The following SYT10 variants were observed in gnomAD, a reference collection of about 807,000 sequenced individuals.
SYT10 encodes the protein synaptotagmin 10, also known as synaptotagmin-10.
In SYT10, 31 loss-of-function variants were observed where a neutral mutation model predicts 51.1. The observed-to-expected ratio is 0.61, with a 90% CI of 0.46 to 0.82. SYT10 has a LOEUF of 0.82. Among genes scored for constraint, SYT10 ranks in the 40% least tolerant of loss-of-function variants. The probability of loss-of-function intolerance (pLI) is 0.00; values close to 1 mark genes in which losing one functional copy is unlikely to be tolerated. For missense variants in SYT10, 603 were observed against 634.0 expected (o/e 0.95, Z 0.53); for synonymous variants, 233 against 225.9 (o/e 1.03, Z -0.28).
chr12:33,394,306 A>G (rs2892700), intron 3 of SYT10, among the ~76,000 whole-genome samples: 71,850 of 152,134 alleles, frequency 0.47, 18,173 homozygotes, highest in East Asian at 0.89. Context: ...TGCAATATGT[A>G]TCATGGCATA....
intron 3 of SYT10, among the ~76,000 whole-genome samples, chr12:33,396,239 G>A (rs1285949555): frequency 6.6e-6 from 1 of 152,094 alleles, no homozygotes; most frequent in Non-Finnish European, 1.5e-5. Flanking sequence ...TTAAGATATT[G>A]ATTTTATTTA....
At chr12:33,431,203 C>A (rs1866594106) in intron 1 of SYT10, among the ~76,000 whole-genome samples, 1 of 152,154 alleles carries the variant, frequency 6.6e-6, no homozygotes, top group Non-Finnish European at 1.5e-5. Context: ...TTTAAAAGTA[C>A]AAATTTGAAG....
chr12:33,405,424 T>A (rs1162740090), intron 3 of SYT10: 1 of 152,108 alleles, frequency 6.6e-6, no homozygotes, highest in Non-Finnish European at 1.5e-5. Context: ...AATTCCTTCT[T>A]TGTTCCTTAA....
At chr12:33,437,693 C>A (rs1371252978) in intron 1 of SYT10, among the ~76,000 whole-genome samples, 4 of 152,102 alleles carry the variant, frequency 2.6e-5, no homozygotes, top group Non-Finnish European at 5.9e-5. Context: ...TCCAGTGTAG[C>A]CCCTTCTCTG....
chr12:33,382,527 A>G lies in SYT10; in HGVS notation c.1199-7T>C. ...GACACTTTGACATAAGGATCTAGGA[A>G]TAAGAAGATAACTTTATTAAAATAA... On this transcript the variant is annotated splice_region_variant and splice_polypyrimidine_tract_variant and intron_variant, in intron 4 of 6. Coordinates refer to ENST00000228567, the MANE Select transcript of SYT10 (RefSeq NM_198992.4). 6.3e-7 allele frequency: 1 copy of G among 1,581,192 alleles called. No individual in the cohort carries two copies.
chr12:33,391,420 A>G (rs560489639), intron 3 of SYT10, among the ~76,000 whole-genome samples: 1 of 152,226 alleles, frequency 6.6e-6, no homozygotes, highest in African/African-American at 2.4e-5. Context: ...GGAATTAGAA[A>G]CAGAGGGGTC....
chr12:33,376,947 A>G (rs748845627), intron 6 of SYT10, 46 bp from the exon 7 acceptor site: 1 of 1,589,444 alleles, frequency 6.3e-7, no homozygotes, highest in Non-Finnish European at 8.6e-7. Context: ...ACAGAAATAG[A>G]ACACAGTGGT....
chr12:33,431,662 C>A (rs2138438411), intron 1 of SYT10, among the ~76,000 whole-genome samples: 1 of 152,152 alleles, frequency 6.6e-6, no homozygotes, highest in South Asian at 2.1e-4. Context: ...AACAGCTAAG[C>A]AGTAATTGTG....
Position 33,439,461 on chromosome 12 carries a change from G to A in SYT10, c.62C>T (p.Thr21Ile). 2 of 1,614,228 alleles carry A rather than the reference G, an allele frequency of 1.2e-6. No homozygotes were observed. The highest frequency in any genetic ancestry group is 1.7e-6 in the Non-Finnish European group (2 of 1,180,020). The part of the protein sequence containing the change: ...SLCQKALHIV[T>I]ELCFAGQVEW... ...CACCTGGCCGGCGAAGCACAGCTCG[G>A]TGACGATGTGCAGAGCCTTCTGGCA... Residue 21 changes from threonine (T) to isoleucine (I), a missense_variant, in exon 1 of 7, where the codon ACC (threonine) becomes ATC (isoleucine). Physicochemically the swap from Thr to Ile is moderately conservative, Grantham distance 89. Coordinates refer to ENST00000228567, the MANE Select transcript of SYT10 (RefSeq NM_198992.4).
At position 33,393,242 on chromosome 12, in the gene SYT10, T is replaced by C. The variant is rs1480897255; in HGVS notation, c.1078-7951A>G. On this transcript the variant is annotated intron_variant, in intron 3 of 6. Coordinates refer to ENST00000228567, the MANE Select transcript of SYT10 (RefSeq NM_198992.4). ...AGCCCAACATAGATACTGAGACAAG[T>C]GCAACTTGAGACACAAAAAAAGGAT... is the stretch of plus-strand genomic sequence containing the variant. Among the ~76,000 whole-genome samples the C allele has an allele frequency of 6.6e-5, 10 of 152,206 alleles. No homozygotes were observed. In the South Asian group the frequency reaches 1.9e-3, roughly 28 times the overall value.
intron 4 of SYT10, 125 bp from the exon 5 acceptor site, chr12:33,382,645 C>CTTAATTTTAATTT: frequency 1.2e-6 from 1 of 805,018 alleles, no homozygotes; most frequent in South Asian, 4.0e-5. Context: ...TTTAGTATTA[C>CTTAATTTTAATTT]CAATTTTAAA....
intron 3 of SYT10, among the ~76,000 whole-genome samples, chr12:33,402,827 T>C (rs1866317860): frequency 6.6e-6 from 1 of 152,026 alleles, no homozygotes; most frequent in African/African-American, 2.4e-5. Flanking sequence ...TTAAGACCCT[T>C]AAAAACAACA....
intron 1 of SYT10, among the ~76,000 whole-genome samples, chr12:33,434,923 T>C (rs1866625948): frequency 6.6e-6 from 1 of 152,228 alleles, no homozygotes; most frequent in African/African-American, 2.4e-5. Flanking sequence ...TGACATGCTA[T>C]TGACTTAATG....
rs1225302869 is a variant in SYT10 at position 33,415,636 on chromosome 12, A to T, written c.510-8280T>A. Among the ~76,000 whole-genome samples the T allele has an allele frequency of 2.0e-5, 3 of 152,238 alleles. No individual in the cohort carries two copies. In the East Asian group the frequency reaches 5.8e-4, roughly 29 times the overall value. ...AATTTATCTCTATTTTAATATTAAA[A>T]TCTGCATCAGAAACTCTCATCATAT... On this transcript the variant is annotated intron_variant, in intron 2 of 6. Coordinates refer to ENST00000228567, the MANE Select transcript of SYT10 (RefSeq NM_198992.4).
chr12:33,425,554 G>A (rs1270115701), intron 2 of SYT10, among the ~76,000 whole-genome samples: 1 of 151,900 alleles, frequency 6.6e-6, no homozygotes, highest in Non-Finnish European at 1.5e-5. Context: ...CATGATATTT[G>A]GCCTCTTGTG....
intron 1 of SYT10, among the ~76,000 whole-genome samples, chr12:33,438,740 T>C (rs1866657920): frequency 1.3e-5 from 2 of 152,214 alleles, no homozygotes. Flanking sequence ...GCCTCACAAA[T>C]GGGATCAATA....
chr12:33,409,145 A>T (rs1277945704), intron 2 of SYT10, among the ~76,000 whole-genome samples: 3 of 151,990 alleles, frequency 2.0e-5, no homozygotes. Flanking sequence ...GCAGGTCTAC[A>T]CCTGTTACAG....
intron 3 of SYT10, among the ~76,000 whole-genome samples, chr12:33,398,242 G>A (rs1260610974): frequency 2.0e-5 from 3 of 152,074 alleles, no homozygotes; most frequent in South Asian, 2.1e-4. Flanking sequence ...GGCCGGGCGC[G>A]GTGGCTCACA....
At chr12:33,382,266 G>T in intron 5 of SYT10, 83 bp downstream of exon 5, 3 of 1,186,752 alleles carry the variant, frequency 2.5e-6, no homozygotes, top group Non-Finnish European at 3.3e-6. Context: ...AACTGTTGTG[G>T]CAGTAAATGA....
Sources: gnomAD v4.1 joint callset for allele counts (sites outside exome capture counted in the v4.1 genomes callset) on GRCh38, gnomAD v4.1.1 for gene constraint, MANE v1.5 for transcripts, NCBI Gene and HGNC (gene_info 2026-07-23, HGNC 2026-07-21) for gene names.